The following PTPRN2 variants were observed in gnomAD, a reference collection of about 807,000 sequenced individuals.
PTPRN2 encodes receptor-type tyrosine-protein phosphatase N2.
In PTPRN2, 74 loss-of-function variants were observed where a neutral mutation model predicts 118.8. The ratio of observed to expected loss-of-function variants is 0.62; its 90% confidence interval spans 0.52 to 0.76. PTPRN2 has a LOEUF of 0.76. Among genes scored for constraint, PTPRN2 ranks in the 30% least tolerant of loss-of-function variants. PTPRN2 has a pLI of 0.00. For synonymous variants in PTPRN2, 641 were observed against 608.0 expected, an observed-to-expected ratio of 1.05 and a Z score of -0.80; for missense variants, 1,481 against 1,394.4, an observed-to-expected ratio of 1.06 and a Z score of -0.99.
chr7:157,658,537 G>A (rs1196201243), intron 13 of PTPRN2, among the ~76,000 whole-genome samples: 2 of 152,200 alleles, frequency 1.3e-5, no homozygotes, highest in Admixed American at 1.3e-4. Flanking sequence ...GCACCTGCCC[G>A]GCCGTATGGG....
rs1019107174 is a variant in PTPRN2 at position 157,893,127 on chromosome 7, A to G, written c.1788+5546T>C. ...AACGAGAACAAAGAAATGTCTGGAGAAGGCCAGGAAGACAGGCAGGTCAGG... is the reference window on the plus strand; with the variant it reads ...AACGAGAACAAAGAAATGTCTGGAGGAGGCCAGGAAGACAGGCAGGTCAGG... On this transcript the variant is annotated intron_variant, in intron 12 of 22. Coordinates refer to ENST00000389418, the MANE Select transcript of PTPRN2 (RefSeq NM_002847.5). The surrounding 1 kb of genome is among the most constrained non-coding windows in gnomAD (Gnocchi z 4.0). Among the ~76,000 whole-genome samples the G allele has an allele frequency of 1.3e-5, 2 of 152,250 alleles. No homozygotes were observed. The highest frequency in any genetic ancestry group is 2.4e-5 in the African/African-American group (1 of 41,470).
chr7:158,429,899 TTTTTC>T (rs964823484), intron 2 of PTPRN2, among the ~76,000 whole-genome samples: 10 of 150,090 alleles, frequency 6.7e-5, no homozygotes, highest in African/African-American at 1.3e-4. Flanking sequence ...TAAACTGTTC[TTTTTC>T]TTTTCTTTTC....
At chr7:157,652,269 C>T (rs1805711867) in intron 14 of PTPRN2, among the ~76,000 whole-genome samples, 2 of 152,214 alleles carry the variant, frequency 1.3e-5, no homozygotes, top group Non-Finnish European at 2.9e-5. Context: ...CCTTCCTCTC[C>T]AGCCCGACGC....
chr7:158,476,858 G>A (rs142584687), intron 2 of PTPRN2, among the ~76,000 whole-genome samples: 3 of 152,344 alleles, frequency 2.0e-5, no homozygotes, highest in Non-Finnish European at 2.9e-5. Flanking sequence ...TTTGAGGAGC[G>A]AACCGCATCT....
rs149877825 is a variant in PTPRN2 at position 158,090,101 on chromosome 7, T to A, written c.1644-8724A>T. Among the ~76,000 whole-genome samples the A allele has an allele frequency of 3.3e-4, 8 of 24,446 alleles. 3 individuals carry two copies. The highest frequency in any genetic ancestry group is 1.8e-3 in the Admixed American group (6 of 3,368). 16.0% of individuals were successfully genotyped at this position (24,446 alleles called of 152,430 possible). A position where few individuals can be genotyped will look rare whatever the true frequency, so the allele number is the denominator to read the frequency against. ...ATGAAAGAGGGGGTCTTCACACACA[T>A]CCTTCTTCCCCTGACAAAAGAGGGA... On this transcript the variant is annotated intron_variant, in intron 10 of 22. Coordinates refer to ENST00000389418, the MANE Select transcript of PTPRN2 (RefSeq NM_002847.5).
rs191563696 is a variant in PTPRN2, at chr7:158,583,080, A to C, written c.112+4478T>G. ...AACCCCTATGTCTCCTTGAGGCTTC[A>C]CTCCCCTTCCTAGTCCCATATTCCT... is the stretch of plus-strand genomic sequence containing the variant. On this transcript the variant is annotated intron_variant, in intron 1 of 22. Transcript: ENST00000389418. Among the ~76,000 whole-genome samples the C allele has an allele frequency of 1.6e-4, 24 of 152,200 alleles. No homozygotes were observed. In the East Asian group the frequency reaches 4.6e-3, roughly 29 times the overall value.
intron 3 of PTPRN2, among the ~76,000 whole-genome samples, chr7:158,247,509 G>A (rs1202973489): frequency 6.6e-6 from 1 of 152,202 alleles, no homozygotes. Flanking sequence ...GTGGGCAGCT[G>A]GGCACTGGGC....
rs185340377 is a variant in PTPRN2 at position 157,840,683 on chromosome 7, C to T, written c.1788+57990G>A. 2.2e-3 allele frequency among the ~76,000 whole-genome samples: 334 copies of T among 152,326 alleles called. 2 individuals are homozygous for T. Among genetic ancestry groups the T allele is most frequent in the African/African-American group, 7.3e-3 (304 of 41,570 alleles). On this transcript the variant is annotated intron_variant, in intron 12 of 22. Coordinates refer to ENST00000389418, the MANE Select transcript of PTPRN2 (RefSeq NM_002847.5). Reference sequence around the variant, plus strand: ...TGGACAGTGGATGACCCGATGCTGACGCTGGCACCTGATCACTCACAGCCG... The same window carrying T: ...TGGACAGTGGATGACCCGATGCTGATGCTGGCACCTGATCACTCACAGCCG...
intron 12 of PTPRN2, among the ~76,000 whole-genome samples, chr7:157,786,653 G>T (rs1804058172): frequency 6.6e-6 from 1 of 152,254 alleles, no homozygotes; most frequent in South Asian, 2.1e-4. Context: ...GGCGCTGCCG[G>T]TGAGGGCCAC....
intron 12 of PTPRN2, among the ~76,000 whole-genome samples, chr7:157,839,356 G>T (rs966066122): frequency 6.6e-6 from 1 of 152,132 alleles, no homozygotes; most frequent in Admixed American, 6.6e-5. Context: ...GACTGTGTGT[G>T]TCTGTGTGGC....
chr7:158,154,173 C>T (rs980321137), intron 6 of PTPRN2, among the ~76,000 whole-genome samples: 12 of 152,158 alleles, frequency 7.9e-5, no homozygotes, highest in African/African-American at 2.9e-4. Context: ...AGATTCACTG[C>T]CTTCCAGAAA....
intron 11 of PTPRN2, among the ~76,000 whole-genome samples, chr7:158,064,767 G>C (rs909683020): frequency 5.3e-5 from 8 of 152,040 alleles, no homozygotes; most frequent in South Asian, 2.1e-4. Flanking sequence ...CACCCTCCCC[G>C]CAACAGAACT....
At position 157,682,842 on chromosome 7, in the gene PTPRN2, G is replaced by A. The variant is rs1796978556; in HGVS notation, c.1884C>T (p.Gly628=). The A allele has an allele frequency of 3.1e-6, 5 of 1,613,900 alleles. No individual in the cohort carries two copies. Among genetic ancestry groups the A allele is most frequent in the Non-Finnish European group, 4.2e-6 (5 of 1,179,886 alleles). ...LTLVSLACIL[G]VLLASGLIYC... is the part of the protein sequence containing the mutation. ...AGATGAGGCCAGAGGCCAGGAGGAC[G>A]CCCAGGATGCAGGCGAGGGAGACCA... The change falls in exon 13 of 23, where the codon GGC becomes GGT. Residue 628 remains glycine (G), a synonymous_variant. Transcript: ENST00000389418.
In PTPRN2 at chr7:158,285,613, C is replaced by T. The variant is rs139321013; in HGVS notation, c.277+31206G>A. Among the ~76,000 whole-genome samples, 1,384 of 152,332 alleles carry T rather than the reference C, an allele frequency of 9.1e-3. 25 individuals carry two copies. The highest frequency in any genetic ancestry group is 0.031 in the African/African-American group (1,306 of 41,566). On this transcript the variant is annotated intron_variant, in intron 3 of 22. Coordinates refer to ENST00000389418, the MANE Select transcript of PTPRN2 (RefSeq NM_002847.5). ...TCCCAGCCCTGCCTCCACAGCTTCTCCTCATCAGGCCTGCCATTCCCACAC... is the reference window on the plus strand; with the variant it reads ...TCCCAGCCCTGCCTCCACAGCTTCTTCTCATCAGGCCTGCCATTCCCACAC...
intron 3 of PTPRN2, among the ~76,000 whole-genome samples, chr7:158,255,233 A>G (rs1217796406): frequency 1.3e-5 from 2 of 152,208 alleles, no homozygotes; most frequent in Non-Finnish European, 2.9e-5. Flanking sequence ...ACTTCACGCG[A>G]GCACAGCTGA....
chr7:158,262,394 C>T (rs545272684), intron 3 of PTPRN2, among the ~76,000 whole-genome samples: 6 of 149,806 alleles, frequency 4.0e-5, no homozygotes, highest in African/African-American at 7.4e-5. Context: ...CATTCACACA[C>T]ACTGCACACA....
Position 157,819,598 on chromosome 7 carries a change from G to A in PTPRN2, c.1788+79075C>T, listed in dbSNP as rs1038514028. On this transcript the variant is annotated intron_variant, in intron 12 of 22. Transcript: ENST00000389418. Reference sequence around the variant, plus strand: ...CGAGTGGCCGCAGCACAGCCCTCCCGCCACAAGGGTACACCAAGCGGCCAC... The same window carrying A: ...CGAGTGGCCGCAGCACAGCCCTCCCACCACAAGGGTACACCAAGCGGCCAC... 4.8e-5 allele frequency among the ~76,000 whole-genome samples: 6 copies of A among 123,758 alleles called. No homozygotes were observed. In the East Asian group the frequency reaches 1.1e-3, roughly 22 times the overall value. The allele number at this position is 123,758 out of a possible 152,430, so 81.2% of individuals were successfully genotyped here.
intron 11 of PTPRN2, among the ~76,000 whole-genome samples, chr7:157,936,839 G>A (rs1799735381): frequency 6.6e-6 from 1 of 152,194 alleles, no homozygotes; most frequent in Non-Finnish European, 1.5e-5. Flanking sequence ...TTCGCAGGGA[G>A]TGTATGAGGC....
intron 14 of PTPRN2, among the ~76,000 whole-genome samples, chr7:157,626,935 C>T (rs1394212307): frequency 2.0e-5 from 3 of 152,258 alleles, no homozygotes; most frequent in Admixed American, 6.5e-5. Flanking sequence ...GCAAACATCA[C>T]TGTAACTCAT....
Sources: allele counts gnomAD v4.1 joint callset (sites outside exome capture counted in the v4.1 genomes callset), GRCh38; gene constraint gnomAD v4.1.1; non-coding constraint Gnocchi (gnomAD v3.1); transcripts MANE v1.5; gene names NCBI Gene and HGNC (gene_info 2026-07-23, HGNC 2026-07-21).